BRD7: variants seen among roughly 807,000 people sequenced by gnomAD.
BRD7 encodes the protein bromodomain-containing protein 7.
BRD7 carries 15 observed loss-of-function variants against 82.1 expected under a neutral mutation model. The ratio of observed to expected loss-of-function variants is 0.18; its 90% confidence interval spans 0.12 to 0.28. The LOEUF is 0.28. Ranked by LOEUF, BRD7 falls within the 10% of genes least tolerant of loss-of-function variation. BRD7 has a pLI of 1.00. For synonymous variants in BRD7, 232 were observed against 266.9 expected, an observed-to-expected ratio of 0.87 and a Z score of 1.27; for missense variants, 638 against 779.9, an observed-to-expected ratio of 0.82 and a Z score of 2.17.
At chr16:50,359,625 T>C (rs1364718841) in intron 2 of BRD7, among the ~76,000 whole-genome samples, 1 of 151,738 alleles carries the variant, frequency 6.6e-6, no homozygotes, top group African/African-American at 2.4e-5. Flanking sequence ...AAATAACTCA[T>C]TAAAAAAAAT....
chr16:50,362,652 A>G (rs2038975909), intron 2 of BRD7, among the ~76,000 whole-genome samples: 1 of 152,240 alleles, frequency 6.6e-6, no homozygotes. Flanking sequence ...GCTACAACAG[A>G]CGAACCTTGA....
In BRD7 at chr16:50,326,335, C is replaced by T; in HGVS notation, c.1144G>A (p.Val382Met). 2 of 1,607,138 alleles carry T rather than the reference C, an allele frequency of 1.2e-6. No homozygotes were observed. The highest frequency in any genetic ancestry group is 1.7e-6 in the Non-Finnish European group (2 of 1,174,724). ...TCTTTGAACCCCTGCAAAGTATTCA[C>T]TCCAGACTGAAGTCTTCCAGTTGTC... Reference protein sequence around the residue: ...GMTTGRLQSGVNTLQGFKEDK... With the variant: ...GMTTGRLQSGMNTLQGFKEDK... The change falls in exon 10 of 17, where the codon GTG (valine) becomes ATG (methionine). Residue 382 changes from valine (V) to methionine (M), a missense_variant. Val to Met is a conservative substitution (Grantham distance 21). Transcript: ENST00000394688.
At chr16:50,347,366 C>T (rs1444464435) in intron 5 of BRD7, among the ~76,000 whole-genome samples, 1 of 152,214 alleles carries the variant, frequency 6.6e-6, no homozygotes, top group East Asian at 1.9e-4. Context: ...GGGATGACCT[C>T]TCTCACCACT....
At chr16:50,323,157 T>A (rs2037189649) in intron 12 of BRD7, among the ~76,000 whole-genome samples, 1 of 152,242 alleles carries the variant, frequency 6.6e-6, no homozygotes, top group Non-Finnish European at 1.5e-5. Context: ...AGCTTACAAA[T>A]GTTAATAAAA....
rs2036869681 is a variant in BRD7 at position 50,317,723 on chromosome 16, T to A, written c.*1488A>T. 6.6e-6 allele frequency: 1 copy of A among 152,400 alleles called. No homozygotes were observed. Among genetic ancestry groups the A allele is most frequent in the Non-Finnish European group, 1.5e-5 (1 of 68,046 alleles). 9.4% of individuals were successfully genotyped at this position (152,400 alleles called of 1,614,324 possible). A position where few individuals can be genotyped will look rare whatever the true frequency, so the allele number is the denominator to read the frequency against. ...TATTTTCTTTTTATGAACTTGTTTT[T>A]AAATTACCAAGTAATTACTGGTGTC... On this transcript the variant is annotated 3_prime_UTR_variant, in exon 17 of 17. Transcript: ENST00000394688.
intron 1 of BRD7, 68 bp downstream of exon 1, chr16:50,368,658 C>A (rs113637419): frequency 3.3e-6 from 5 of 1,504,368 alleles, no homozygotes; most frequent in Non-Finnish European, 4.5e-6. Context: ...CCCGGAGCCA[C>A]TGGGAAAGAG....
intron 12 of BRD7, 87 bp downstream of exon 12, chr16:50,323,500 T>C: frequency 8.8e-7 from 1 of 1,138,886 alleles, no homozygotes; most frequent in Non-Finnish European, 1.3e-6. Context: ...CTGTCATACT[T>C]GTTAATCCCA....
rs748760115 is a variant in BRD7 at position 50,319,990 on chromosome 16, T to C, written c.1797A>G (p.Gln599=). Residue 599 remains glutamine (Q), a synonymous_variant, in exon 16 of 17, where the codon CAA becomes CAG. Coordinates refer to ENST00000394688, the MANE Select transcript of BRD7 (RefSeq NM_013263.5). Reference sequence around the variant, plus strand: ...TGCTTACGATATCACCTGGAGTTACTTGCTGTGCAAGTTCTTTAAGATTAT... The same window carrying C: ...TGCTTACGATATCACCTGGAGTTACCTGCTGTGCAAGTTCTTTAAGATTAT... ...VTNNLKELAQ[Q]VTPGDIVSTY... 4 of 1,612,562 alleles carry C rather than the reference T, an allele frequency of 2.5e-6. No individual in the cohort carries two copies. The highest frequency in any genetic ancestry group is 2.2e-5 in the East Asian group (1 of 44,872).
chr16:50,353,037 T>TCAAACA (rs1463292932), intron 4 of BRD7, among the ~76,000 whole-genome samples: 1 of 150,740 alleles, frequency 6.6e-6, no homozygotes, highest in Non-Finnish European at 1.5e-5. Context: ...GTAATTTTTC[T>TCAAACA]CAAACACCAA....
intron 12 of BRD7, among the ~76,000 whole-genome samples, chr16:50,323,259 C>T (rs1412951276): frequency 3.9e-5 from 6 of 152,234 alleles, no homozygotes; most frequent in Non-Finnish European, 7.3e-5. Flanking sequence ...TCATTTTAGC[C>T]AACTTAGTTT....
chr16:50,364,423 C>G (rs151309074), intron 2 of BRD7, among the ~76,000 whole-genome samples: 1 of 152,142 alleles, frequency 6.6e-6, no homozygotes, highest in Non-Finnish European at 1.5e-5. Flanking sequence ...CCTGGTCTAG[C>G]CTGGAAAAAA....
chr16:50,319,388 A>AG (rs1470711825), intron 16 of BRD7, 122 bp from the exon 17 acceptor site: 8 of 819,810 alleles, frequency 9.8e-6, no homozygotes, highest in South Asian at 8.4e-5. Context: ...ACCACATCCA[A>AG]GGCTGAAGAC....
chr16:50,360,872 A>G (rs1421163267), intron 2 of BRD7, among the ~76,000 whole-genome samples: 1 of 152,224 alleles, frequency 6.6e-6, no homozygotes, highest in Non-Finnish European at 1.5e-5. Context: ...CGACTACCTC[A>G]GGAGGGACAC....
chr16:50,340,137 C>T (rs1426711554), intron 5 of BRD7, 51 bp from the exon 6 acceptor site: 7 of 1,013,462 alleles, frequency 6.9e-6, no homozygotes, highest in Non-Finnish European at 1.0e-5. Flanking sequence ...AACAAACTAC[C>T]CTGCACCCCC....
chr16:50,322,971 A>G (rs1441402273), intron 12 of BRD7, among the ~76,000 whole-genome samples: 1 of 152,202 alleles, frequency 6.6e-6, no homozygotes, highest in Non-Finnish European at 1.5e-5. Flanking sequence ...CTACAGTCAC[A>G]GTCACCATTA....
intron 13 of BRD7, among the ~76,000 whole-genome samples, chr16:50,321,138 T>C (rs919506359): frequency 1.3e-5 from 2 of 152,248 alleles, no homozygotes; most frequent in Non-Finnish European, 2.9e-5. Context: ...GTTTTCGAGA[T>C]TCAAAGACTA....
intron 4 of BRD7, among the ~76,000 whole-genome samples, chr16:50,352,701 GTT>G (rs34714781): frequency 1.6e-4 from 20 of 127,622 alleles, no homozygotes; most frequent in Middle Eastern, 4.1e-3. Context: ...TGCCAGCTTT[GTT>G]TTTTTTTTTT....
rs1000149866 is a variant in BRD7, at chr16:50,368,898, G to A, written c.-124C>T. On this transcript the variant is annotated 5_prime_UTR_variant, in exon 1 of 17. Coordinates refer to ENST00000394688, the MANE Select transcript of BRD7 (RefSeq NM_013263.5). The stretch of plus-strand genomic sequence containing the variant: ...CGCGAGACCCCGCGCCGCGAGGCAG[G>A]GGGGCGGCGCGCGCCGGGCGGCGCG... 8.2e-6 allele frequency: 4 copies of A among 487,850 alleles called. No individual in the cohort carries two copies. Among genetic ancestry groups the A allele is most frequent in the African/African-American group, 2.1e-5 (1 of 46,856 alleles). 30.2% of individuals were successfully genotyped at this position (487,850 alleles called of 1,614,324 possible). A position where few individuals can be genotyped will look rare whatever the true frequency, so the allele number is the denominator to read the frequency against.
intron 2 of BRD7, among the ~76,000 whole-genome samples, chr16:50,358,517 A>G (rs866036866): frequency 6.6e-6 from 1 of 151,838 alleles, no homozygotes; most frequent in Non-Finnish European, 1.5e-5. Flanking sequence ...AAAAAGAACA[A>G]AAAGAATAAA....
Sources: gnomAD v4.1 joint callset for allele counts (sites outside exome capture counted in the v4.1 genomes callset) on GRCh38, gnomAD v4.1.1 for gene constraint, MANE v1.5 for transcripts, NCBI Gene and HGNC (gene_info 2026-07-23, HGNC 2026-07-21) for gene names.